Variants in FHIT observed in about 807,000 individuals in gnomAD.
FHIT encodes the protein fragile histidine triad diadenosine triphosphatase.
Under a neutral mutation model 17.9 loss-of-function variants are expected in FHIT, and 19 were observed. The ratio of observed to expected loss-of-function variants is 1.06; its 90% confidence interval spans 0.74 to 1.56. The LOEUF (loss-of-function observed/expected upper bound fraction) is 1.56, where lower values mean the gene tolerates loss of function less well. Among genes scored for constraint, FHIT ranks in the 40% most tolerant of loss-of-function variants. The pLI, the probability that FHIT is intolerant of heterozygous loss-of-function variation, is 0.00. For synonymous variants in FHIT, 81 were observed against 69.7 expected, an observed-to-expected ratio of 1.16 and a Z score of -0.81; for missense variants, 248 against 189.2, an observed-to-expected ratio of 1.31 and a Z score of -1.82.
chr3:59,852,330 G>A (rs536333982), intron 8 of FHIT, among the ~76,000 whole-genome samples: 3 of 152,180 alleles, frequency 2.0e-5, no homozygotes, highest in South Asian at 2.1e-4. Flanking sequence ...CAAGAAATGC[G>A]CCACACCTTT....
At chr3:60,222,760 G>C (rs1037680095) in intron 5 of FHIT, among the ~76,000 whole-genome samples, 1 of 152,194 alleles carries the variant, frequency 6.6e-6, no homozygotes, top group Non-Finnish European at 1.5e-5. Flanking sequence ...ACCTGCTATG[G>C]TGTGGTGGCA....
chr3:60,124,009 T>TATATAGAGAG (rs1384962194), intron 5 of FHIT, among the ~76,000 whole-genome samples: 3 of 12,160 alleles, frequency 2.5e-4, no homozygotes, highest in Non-Finnish European at 2.9e-4. Context: ...TATATATATA[T>TATATAGAGAG]AGAGAGAGAG....
chr3:60,963,842 T>C (rs1709581246), intron 3 of FHIT, among the ~76,000 whole-genome samples: 1 of 152,230 alleles, frequency 6.6e-6, no homozygotes. Flanking sequence ...AGGAGTGCTT[T>C]ACTTCCGACT....
chr3:59,834,321 T>C (rs761445430), intron 8 of FHIT, among the ~76,000 whole-genome samples: 3 of 152,134 alleles, frequency 2.0e-5, no homozygotes, highest in Non-Finnish European at 4.4e-5. Flanking sequence ...CTTTACACTG[T>C]GCCTGGCAGA....
At chr3:59,823,244 C>A (rs1700857873) in intron 8 of FHIT, among the ~76,000 whole-genome samples, 1 of 152,064 alleles carries the variant, frequency 6.6e-6, no homozygotes, top group African/African-American at 2.4e-5. Context: ...CAGATTTGTT[C>A]TTTTTGCTTA....
chr3:61,083,236 A>G (rs1286945955), intron 2 of FHIT, among the ~76,000 whole-genome samples: 1 of 152,238 alleles, frequency 6.6e-6, no homozygotes, highest in African/African-American at 2.4e-5. Context: ...GTTTTTTAGT[A>G]TATCCACAGA....
intron 2 of FHIT, among the ~76,000 whole-genome samples, chr3:61,075,720 T>C (rs1306335046): frequency 6.6e-6 from 1 of 152,100 alleles, no homozygotes; most frequent in East Asian, 1.9e-4. Flanking sequence ...TAATAAATAA[T>C]AAATAATACT....
chr3:60,158,779 A>T (rs2107356822), intron 5 of FHIT, among the ~76,000 whole-genome samples: 1 of 152,260 alleles, frequency 6.6e-6, no homozygotes, highest in South Asian at 2.1e-4. Flanking sequence ...ATCCAATCAT[A>T]AAATTATCCC....
Position 60,580,514 on chromosome 3 carries a change from A to G in FHIT, c.-17-43535T>C, listed in dbSNP as rs543092777. 2.2e-3 allele frequency among the ~76,000 whole-genome samples: 333 copies of G among 152,094 alleles called. 4 individuals are homozygous for G. Among genetic ancestry groups the G allele is most frequent in the Non-Finnish European group, 3.3e-3 (226 of 68,006 alleles). On this transcript the variant is annotated intron_variant, in intron 4 of 9. Transcript: ENST00000492590. ...ATTTCAACTTCCATTTTAATATTTC[A>G]TCTCATTTTATCTGTATGGTTAATA...
chr3:61,153,142 C>CA (rs372065718), intron 2 of FHIT, among the ~76,000 whole-genome samples: 14,980 of 78,002 alleles, frequency 0.19, 1,154 homozygotes, highest in South Asian at 0.28. Flanking sequence ...GACTCCATCT[C>CA]AAAAAAAAAA....
At chr3:60,580,288 G>C (rs567330229) in intron 4 of FHIT, among the ~76,000 whole-genome samples, 27 of 152,150 alleles carry the variant, frequency 1.8e-4, no homozygotes, top group Admixed American at 1.4e-3. Flanking sequence ...TCACTCCCAA[G>C]TACTACATGC....
At chr3:60,406,072 T>C (rs1315176450) in intron 5 of FHIT, among the ~76,000 whole-genome samples, 1 of 152,240 alleles carries the variant, frequency 6.6e-6, no homozygotes, top group African/African-American at 2.4e-5. Context: ...AAAAGCCGCA[T>C]GTCTGCACAT....
At chr3:61,015,071 G>A (rs1314289752) in intron 3 of FHIT, among the ~76,000 whole-genome samples, 1 of 151,536 alleles carries the variant, frequency 6.6e-6, no homozygotes, top group East Asian at 1.9e-4. Flanking sequence ...AGACAAAATG[G>A]GGCCTGACTT....
At chr3:60,677,351 A>G (rs1472341989) in intron 4 of FHIT, among the ~76,000 whole-genome samples, 2 of 152,220 alleles carry the variant, frequency 1.3e-5, no homozygotes, top group African/African-American at 4.8e-5. Context: ...CTATTATTCT[A>G]TACTCTATGT....
intron 3 of FHIT, among the ~76,000 whole-genome samples, chr3:60,958,927 C>A (rs947838802): frequency 6.6e-6 from 1 of 152,122 alleles, no homozygotes; most frequent in Non-Finnish European, 1.5e-5. Context: ...GTAGTAAGGA[C>A]AGAAAAAGCA....
intron 3 of FHIT, among the ~76,000 whole-genome samples, chr3:60,932,406 T>G (rs1553772020): frequency 6.6e-6 from 1 of 152,108 alleles, no homozygotes; most frequent in African/African-American, 2.4e-5. Flanking sequence ...CTTACTGATC[T>G]CTACAGACTC....
intron 4 of FHIT, among the ~76,000 whole-genome samples, chr3:60,614,456 T>C (rs2038878443): frequency 6.6e-6 from 1 of 152,000 alleles, no homozygotes; most frequent in Non-Finnish European, 1.5e-5. Context: ...ATACACAAAT[T>C]ATCTGGGCAT....
intron 3 of FHIT, among the ~76,000 whole-genome samples, chr3:60,961,222 A>C (rs1165301119): frequency 6.6e-6 from 1 of 152,172 alleles, no homozygotes; most frequent in Non-Finnish European, 1.5e-5. Context: ...TTGGCTCCAT[A>C]AATGTCTTCT....
chr3:60,793,576 T>C (rs1461238001), intron 4 of FHIT, among the ~76,000 whole-genome samples: 1 of 152,206 alleles, frequency 6.6e-6, no homozygotes, highest in Admixed American at 6.5e-5. Flanking sequence ...GTGCTGGGAT[T>C]ATAGGCATGA....
Sources: gnomAD v4.1 joint callset for allele counts (sites outside exome capture counted in the v4.1 genomes callset) on GRCh38, gnomAD v4.1.1 for gene constraint, MANE v1.5 for transcripts, NCBI Gene and HGNC (gene_info 2026-07-23, HGNC 2026-07-21) for gene names.